Variants in DENND3 observed in about 807,000 individuals in gnomAD.
DENND3 encodes the protein DENN domain containing 3.
In DENND3, 88 loss-of-function variants were observed where a neutral mutation model predicts 135.1. That is an observed-to-expected ratio of 0.65 (90% CI 0.55 to 0.78). The LOEUF (loss-of-function observed/expected upper bound fraction) is 0.78, where lower values mean the gene tolerates loss of function less well. Ranked by LOEUF, DENND3 falls within the 30% of genes least tolerant of loss-of-function variation. The pLI, the probability that DENND3 is intolerant of heterozygous loss-of-function variation, is 0.00. For missense variants in DENND3, 1,392 were observed against 1,688.4 expected, an observed-to-expected ratio of 0.82 and a Z score of 3.08; for synonymous variants, 693 against 712.3, an observed-to-expected ratio of 0.97 and a Z score of 0.43.
intron 15 of DENND3, chr8:141,177,633 A>C (rs947413133): frequency 6.5e-6 from 1 of 154,676 alleles, no homozygotes; most frequent in Non-Finnish European, 1.4e-5. Context: ...ATCTGATGCT[A>C]TACCCACTGG....
chr8:141,135,894 A>G (rs1816735004), intron 1 of DENND3, among the ~76,000 whole-genome samples: 1 of 152,244 alleles, frequency 6.6e-6, no homozygotes, highest in Non-Finnish European at 1.5e-5. Flanking sequence ...ATCTGTACCC[A>G]CCAGTGCTGT....
At chr8:141,179,419 C>T (rs1004005273) in intron 16 of DENND3, among the ~76,000 whole-genome samples, 7 of 152,372 alleles carry the variant, frequency 4.6e-5, no homozygotes, top group African/African-American at 1.4e-4. Context: ...CCTCTGTTAT[C>T]AGCGCATGAC....
Position 141,128,840 on chromosome 8 carries a change from G to T in DENND3, c.102+31G>T, listed in dbSNP as rs1815511525. ...GGGCGGGGAAACTGAGGCGGACGTG[G>T]GCCACGAGTCGGCAGCCGGGACAGC... On this transcript the variant is annotated intron_variant, in intron 1 of 22. Coordinates refer to ENST00000519811, the MANE Select transcript of DENND3 (RefSeq NM_001352890.3). This position sits in a 1 kb window ranked among gnomAD's most constrained non-coding sequence, Gnocchi z 4.5. The T allele has an allele frequency of 1.5e-6, 2 of 1,350,678 alleles. No homozygotes were observed. Among genetic ancestry groups the T allele is most frequent in the Non-Finnish European group, 9.6e-7 (1 of 1,041,336 alleles). The allele number at this position is 1,350,678 out of a possible 1,614,324, so 83.7% of individuals were successfully genotyped here.
chr8:141,161,960 C>T (rs527504140), intron 9 of DENND3, among the ~76,000 whole-genome samples: 3 of 152,170 alleles, frequency 2.0e-5, no homozygotes, highest in African/African-American at 4.8e-5. Context: ...GCCACCACCA[C>T]GCCTAACTAA....
chr8:141,193,719 C>T (rs1461378607), intron 22 of DENND3: 2 of 439,264 alleles, frequency 4.6e-6, no homozygotes, highest in Non-Finnish European at 8.3e-6. Context: ...GTGAAATAAT[C>T]ACAAGCTAAT....
At chr8:141,172,068 G>A (rs897039454) in intron 13 of DENND3, among the ~76,000 whole-genome samples, 6 of 148,658 alleles carry the variant, frequency 4.0e-5, no homozygotes, top group African/African-American at 1.3e-4. Flanking sequence ...TGGTGGGCAC[G>A]CTGCATAGGG....
intron 19 of DENND3, 32 bp from the exon 20 acceptor site, chr8:141,190,252 T>C: frequency 6.5e-7 from 1 of 1,541,300 alleles, no homozygotes. Context: ...GGGCCCAAGT[T>C]AAAGGTGTGT....
intron 19 of DENND3, 54 bp from the exon 20 acceptor site, chr8:141,190,230 C>T (rs1006972915): frequency 2.7e-6 from 4 of 1,492,500 alleles, no homozygotes; most frequent in Non-Finnish European, 3.6e-6. Flanking sequence ...AAAATGTGCA[C>T]AGTGTTTTCA....
At chr8:141,133,588 C>G (rs141885953) in intron 1 of DENND3, among the ~76,000 whole-genome samples, 1 of 152,292 alleles carries the variant, frequency 6.6e-6, no homozygotes, top group African/African-American at 2.4e-5. Flanking sequence ...TTACTTGCTA[C>G]CTGCCTGGAG....
chr8:141,161,081 C>T (rs945073136), intron 9 of DENND3, among the ~76,000 whole-genome samples: 9 of 150,262 alleles, frequency 6.0e-5, no homozygotes, highest in Non-Finnish European at 1.0e-4. Context: ...ACCTTACTAA[C>T]GCCCTCTCCT....
At chr8:141,181,947 C>T (rs541398392) in intron 17 of DENND3, among the ~76,000 whole-genome samples, 7 of 151,988 alleles carry the variant, frequency 4.6e-5, no homozygotes, top group South Asian at 4.2e-4. Context: ...CACGTGCCAC[C>T]GAAACCAGGT....
At chr8:141,151,469 G>C (rs566185546) in intron 6 of DENND3, 150 bp from the exon 7 acceptor site, 4 of 681,488 alleles carry the variant, frequency 5.9e-6, no homozygotes, top group Non-Finnish European at 9.8e-6. Flanking sequence ...GCCAAGGTGG[G>C]AGGATTGCTT....
intron 22 of DENND3, chr8:141,192,978 C>T (rs942143800): frequency 2.2e-5 from 24 of 1,097,362 alleles, no homozygotes; most frequent in South Asian, 8.1e-5. Context: ...AGCCGCTTCC[C>T]TCGGGGGCTC....
chr8:141,158,785 C>T (rs141487558), intron 8 of DENND3, among the ~76,000 whole-genome samples: 197 of 152,286 alleles, frequency 1.3e-3, no homozygotes, highest in African/African-American at 4.1e-3. Context: ...TGATGGAAGT[C>T]GCTCTCTCCC....
intron 8 of DENND3, among the ~76,000 whole-genome samples, chr8:141,159,009 C>T (rs561295001): frequency 1.4e-4 from 22 of 152,366 alleles, no homozygotes; most frequent in Middle Eastern, 3.4e-3. Context: ...TGGCATTCTG[C>T]GTGTTCTTTC....
Position 141,172,458 on chromosome 8 carries a change from G to A in DENND3, c.2276-2742G>A, listed in dbSNP as rs61404952. ...TGAGCGCCCTCACACTGAGGTCAGC[G>A]CTGTTATCTGTGAGAAGAAGCTGTG... On this transcript the variant is annotated intron_variant, in intron 13 of 22. Transcript: ENST00000519811. Among the ~76,000 whole-genome samples, 731 of 152,228 alleles carry A rather than the reference G, an allele frequency of 4.8e-3. 5 individuals carry two copies. Among genetic ancestry groups the A allele is most frequent in the African/African-American group, 0.017 (700 of 41,520 alleles).
At position 141,175,393 on chromosome 8, in the gene DENND3, G is replaced by A. The variant is rs139996393; in HGVS notation, c.2469G>A (p.Lys823=). The A allele has an allele frequency of 1.2e-4, 193 of 1,614,212 alleles. 1 individual carries two copies. In the African/African-American group the frequency reaches 2.3e-3, roughly 19 times the overall value. ...TTGGCAAGATCGCCATGACCCAGAA[G>A]CGCCTGTTCCTCCTAACCGAAGGAA... ...LGVGKIAMTQ[K]RLFLLTEGRP... The change falls in exon 14 of 23, where the codon AAG becomes AAA. Residue 823 remains lysine, a synonymous_variant. Coordinates refer to ENST00000519811, the MANE Select transcript of DENND3 (RefSeq NM_001352890.3). This position sits in a 1 kb window ranked among gnomAD's most constrained non-coding sequence, Gnocchi z 5.4.
intron 9 of DENND3, among the ~76,000 whole-genome samples, chr8:141,161,947 C>T (rs1363996549): frequency 1.3e-5 from 2 of 151,950 alleles, no homozygotes; most frequent in Non-Finnish European, 1.5e-5. Context: ...ACTGCAGGCG[C>T]CTGCCACCAC....
chr8:141,134,130 T>C (rs1346700873), intron 1 of DENND3, among the ~76,000 whole-genome samples: 3 of 152,254 alleles, frequency 2.0e-5, no homozygotes, highest in East Asian at 1.9e-4. Context: ...TCATCTCATA[T>C]GCTGCCTTGA....
Sources: allele counts gnomAD v4.1 joint callset (sites outside exome capture counted in the v4.1 genomes callset), GRCh38; gene constraint gnomAD v4.1.1; non-coding constraint Gnocchi (gnomAD v3.1); transcripts MANE v1.5; gene names NCBI Gene and HGNC (gene_info 2026-07-23, HGNC 2026-07-21).